The following ITGA9 variants were observed in gnomAD, a reference collection of about 807,000 sequenced individuals.
ITGA9 encodes integrin alpha-9.
In ITGA9, 56 loss-of-function variants were observed where a neutral mutation model predicts 127.8. The ratio of observed to expected loss-of-function variants is 0.44; its 90% CI spans 0.35 to 0.55. The LOEUF is 0.55. Among genes scored for constraint, ITGA9 ranks in the 20% least tolerant of loss-of-function variants. The pLI, the probability that ITGA9 is intolerant of heterozygous loss-of-function variation, is 0.00. For synonymous variants in ITGA9, 508 were observed against 514.5 expected (o/e 0.99, Z 0.17); for missense variants, 1,196 against 1,347.1 (o/e 0.89, Z 1.76).
At chr3:37,779,675 G>A (rs905489164) in intron 24 of ITGA9, among the ~76,000 whole-genome samples, 6 of 152,124 alleles carry the variant, frequency 3.9e-5, no homozygotes, top group African/African-American at 1.4e-4. Context: ...TTAGTGAGCT[G>A]TTTTCTCCCA....
chr3:37,610,575 C>T (rs961586076), intron 15 of ITGA9, among the ~76,000 whole-genome samples: 11 of 152,112 alleles, frequency 7.2e-5, no homozygotes, highest in Admixed American at 5.2e-4. Flanking sequence ...TTTGTCTGAG[C>T]CCGAGGTTCA....
At chr3:37,652,078 G>C (rs1417296923) in intron 16 of ITGA9, among the ~76,000 whole-genome samples, 1 of 152,000 alleles carries the variant, frequency 6.6e-6, no homozygotes, top group Non-Finnish European at 1.5e-5. Context: ...GGCCAGTCCA[G>C]GTTTTGTGAG....
intron 3 of ITGA9, among the ~76,000 whole-genome samples, chr3:37,477,376 T>C (rs1172900339): frequency 2.0e-5 from 3 of 152,144 alleles, no homozygotes; most frequent in Non-Finnish European, 4.4e-5. Flanking sequence ...AAAGCTGCAA[T>C]GGGGCGTGAA....
chr3:37,803,773 C>CAAAAAAAAA (rs762999914), intron 26 of ITGA9, 50 bp from the exon 27 acceptor site: 1 of 1,352,682 alleles, frequency 7.4e-7, no homozygotes, highest in Non-Finnish European at 1.0e-6. Context: ...GACTCTGTCT[C>CAAAAAAAAA]AAAAAAAAAA....
intron 13 of ITGA9, among the ~76,000 whole-genome samples, chr3:37,531,423 A>C (rs2125586077): frequency 6.6e-6 from 1 of 152,342 alleles, no homozygotes; most frequent in African/African-American, 2.4e-5. Flanking sequence ...GTACCTGTGA[A>C]GGTCCCTGTG....
chr3:37,776,365 A>G (rs1162405503), intron 23 of ITGA9, among the ~76,000 whole-genome samples: 1 of 152,216 alleles, frequency 6.6e-6, no homozygotes, highest in African/African-American at 2.4e-5. Context: ...CAGCAAAAAA[A>G]GTTTTTGTTC....
chr3:37,752,967 A>G lies in ITGA9; in HGVS notation c.2541+2398A>G, dbSNP rs374356447. Reference sequence around the variant, plus strand: ...GAGCCCCTCTGCTGTGCTTGTATTTACCTTAAAAACAGAGCCACGGTGGTG... The same window carrying G: ...GAGCCCCTCTGCTGTGCTTGTATTTGCCTTAAAAACAGAGCCACGGTGGTG... On this transcript the variant is annotated intron_variant, in intron 23 of 27. Coordinates refer to ENST00000264741, the MANE Select transcript of ITGA9 (RefSeq NM_002207.3). 2.7e-3 allele frequency among the ~76,000 whole-genome samples: 413 copies of G among 152,172 alleles called. 2 individuals are homozygous for G. The highest frequency in any genetic ancestry group is 9.3e-3 in the African/African-American group (386 of 41,484).
At chr3:37,479,000 T>A (rs994604763) in intron 3 of ITGA9, among the ~76,000 whole-genome samples, 2 of 152,182 alleles carry the variant, frequency 1.3e-5, no homozygotes, top group Non-Finnish European at 2.9e-5. Flanking sequence ...AGCACCATGA[T>A]AAACATCCGC....
intron 25 of ITGA9, 126 bp from the exon 26 acceptor site, chr3:37,784,851 G>A: frequency 2.7e-6 from 2 of 745,170 alleles, no homozygotes; most frequent in South Asian, 3.0e-5. Flanking sequence ...GAGGTATCTA[G>A]TTCAATGATA....
chr3:37,576,729 G>A (rs1367212616), intron 15 of ITGA9, among the ~76,000 whole-genome samples: 1 of 152,116 alleles, frequency 6.6e-6, no homozygotes, highest in African/African-American at 2.4e-5. Context: ...TCAGCCTCCC[G>A]AGTACCTGGG....
intron 10 of ITGA9, among the ~76,000 whole-genome samples, chr3:37,518,093 C>CGCGTGTGTGTGT (rs368577036): frequency 6.4e-4 from 93 of 144,214 alleles, no homozygotes; most frequent in South Asian, 3.9e-3. Context: ...AGAGTGTACG[C>CGCGTGTGTGTGT]GTGTGTGTGT....
chr3:37,456,483 C>T lies in ITGA9; in HGVS notation c.185+3924C>T, dbSNP rs1367565052. 2.0e-5 allele frequency among the ~76,000 whole-genome samples: 3 copies of T among 152,178 alleles called. No individual in the cohort carries two copies. The East Asian group carries it at 5.8e-4, about 29-fold the overall frequency. ...ACCCTGTGATATAAATAAATGCTGCCTGGCTGGCGTGCAGCCTCCAGAGCG... is the reference window on the plus strand; with the variant it reads ...ACCCTGTGATATAAATAAATGCTGCTTGGCTGGCGTGCAGCCTCCAGAGCG... On this transcript the variant is annotated intron_variant, in intron 1 of 27. Coordinates refer to ENST00000264741, the MANE Select transcript of ITGA9 (RefSeq NM_002207.3).
At chr3:37,543,225 G>A in intron 15 of ITGA9, among the ~76,000 whole-genome samples, 1 of 152,194 alleles carries the variant, frequency 6.6e-6, no homozygotes, top group East Asian at 1.9e-4. Context: ...CTGGCAGGGT[G>A]GAAGACCTGG....
At chr3:37,740,212 C>T (rs563481438) in intron 20 of ITGA9, among the ~76,000 whole-genome samples, 18 of 152,212 alleles carry the variant, frequency 1.2e-4, no homozygotes, top group Middle Eastern at 3.4e-3. Context: ...GGGCACAGAG[C>T]AGACAGGGAC....
chr3:37,775,246 G>A (rs1559594861), intron 23 of ITGA9, among the ~76,000 whole-genome samples: 1 of 152,198 alleles, frequency 6.6e-6, no homozygotes, highest in African/African-American at 2.4e-5. Flanking sequence ...CATACCTGCA[G>A]ACAACAAGCA....
At chr3:37,610,304 T>C (rs942410850) in intron 15 of ITGA9, among the ~76,000 whole-genome samples, 1 of 152,210 alleles carries the variant, frequency 6.6e-6, no homozygotes, top group African/African-American at 2.4e-5. Flanking sequence ...AATTGTTTAA[T>C]TAAAACTCAT....
At chr3:37,453,126 C>A (rs896067469) in intron 1 of ITGA9, among the ~76,000 whole-genome samples, 15 of 151,280 alleles carry the variant, frequency 9.9e-5, no homozygotes, top group African/African-American at 3.4e-4. Flanking sequence ...CCCCCCCCCC[C>A]CCCCAGCTCC....
intron 18 of ITGA9, among the ~76,000 whole-genome samples, chr3:37,727,172 T>C (rs901898284): frequency 6.6e-6 from 1 of 152,140 alleles, no homozygotes; most frequent in Non-Finnish European, 1.5e-5. Flanking sequence ...ATCTTGAGAG[T>C]ATTGTACAGC....
chr3:37,658,856 C>T (rs918716093), intron 17 of ITGA9, among the ~76,000 whole-genome samples: 14 of 152,258 alleles, frequency 9.2e-5, no homozygotes, highest in South Asian at 6.2e-4. Flanking sequence ...GTGCTTCCTT[C>T]GGGAGCTCTT....
Sources: allele counts gnomAD v4.1 joint callset (sites outside exome capture counted in the v4.1 genomes callset), GRCh38; gene constraint gnomAD v4.1.1; transcripts MANE v1.5; gene names NCBI Gene and HGNC (gene_info 2026-07-23, HGNC 2026-07-21).